The following SYT1 variants were observed in gnomAD, a reference collection of about 807,000 sequenced individuals.
The protein encoded by SYT1 is synaptotagmin-1.
SYT1 carries 8 observed loss-of-function variants against 44.8 expected under a neutral mutation model. That is an observed-to-expected ratio of 0.18 (90% CI 0.10 to 0.32). SYT1 has a LOEUF of 0.32. SYT1 is among the 10% of genes least tolerant of loss of function. SYT1 has a pLI of 1.00. For synonymous variants in SYT1, 154 were observed against 188.8 expected, an observed-to-expected ratio of 0.82 and a Z score of 1.51; for missense variants, 286 against 509.3, an observed-to-expected ratio of 0.56 and a Z score of 4.22.
intron 1 of SYT1, among the ~76,000 whole-genome samples, chr12:78,895,585 T>C (rs1427656862): frequency 1.3e-5 from 2 of 151,818 alleles, no homozygotes; most frequent in African/African-American, 4.8e-5. Context: ...TTTGTTGTTG[T>C]TGATCTATAT....
intron 2 of SYT1, among the ~76,000 whole-genome samples, chr12:79,025,179 C>T (rs982009617): frequency 6.6e-6 from 1 of 151,744 alleles, no homozygotes; most frequent in Admixed American, 6.6e-5. Context: ...TGACGTGATA[C>T]ATGTATTAAA....
intron 10 of SYT1, among the ~76,000 whole-genome samples, chr12:79,446,620 G>C (rs1158515633): frequency 6.6e-6 from 1 of 152,124 alleles, no homozygotes; most frequent in Non-Finnish European, 1.5e-5. Flanking sequence ...TTGGTTGATA[G>C]TTTTAAATAC....
intron 9 of SYT1, among the ~76,000 whole-genome samples, chr12:79,434,560 C>T (rs1460041228): frequency 6.6e-6 from 1 of 152,174 alleles, no homozygotes; most frequent in East Asian, 1.9e-4. Context: ...GATTGGCTTA[C>T]TGATGAACTA....
chr12:79,053,483 C>T (rs1407398143), intron 3 of SYT1, among the ~76,000 whole-genome samples: 8 of 151,130 alleles, frequency 5.3e-5, no homozygotes, highest in Non-Finnish European at 8.8e-5. Context: ...ATTGTGCACA[C>T]GCACCCCAAA....
At chr12:79,433,295 C>A (rs139036317) in intron 9 of SYT1, among the ~76,000 whole-genome samples, 16 of 152,246 alleles carry the variant, frequency 1.1e-4, no homozygotes, top group Non-Finnish European at 1.9e-4. Flanking sequence ...AGTCATATGA[C>A]GTATAAGATA....
intron 1 of SYT1, among the ~76,000 whole-genome samples, chr12:78,914,514 T>C (rs73134358): frequency 7.3e-5 from 11 of 151,308 alleles, no homozygotes; most frequent in Non-Finnish European, 1.2e-4. Flanking sequence ...GTTAGATAGA[T>C]AGATGATAGA....
At chr12:79,238,940 T>C (rs558438242) in intron 4 of SYT1, among the ~76,000 whole-genome samples, 2 of 152,364 alleles carry the variant, frequency 1.3e-5, no homozygotes, top group East Asian at 3.9e-4. Context: ...AGTCTCCCTG[T>C]CCTTGGAATT....
intron 1 of SYT1, among the ~76,000 whole-genome samples, chr12:78,914,949 G>A (rs1304586404): frequency 6.6e-6 from 1 of 152,016 alleles, no homozygotes; most frequent in East Asian, 1.9e-4. Flanking sequence ...TCCAAAGAGG[G>A]TGTGATGACT....
rs1870914067 is a variant in SYT1, at chr12:79,449,345, A to G, written c.*221A>G. ...TCCAAATCTACTCTTCTTTTAAGCA[A>G]TATGATGTGTAGATAGAGCATGAAT... On this transcript the variant is annotated 3_prime_UTR_variant, in exon 11 of 11. Coordinates refer to ENST00000261205, the MANE Select transcript of SYT1 (RefSeq NM_005639.3). 1 of 554,876 alleles carries G rather than the reference A, an allele frequency of 1.8e-6. No homozygotes were observed. The highest frequency in any genetic ancestry group is 2.1e-5 in the South Asian group (1 of 46,646). The allele number at this position is 554,876 out of a possible 1,614,324, so 34.4% of individuals were successfully genotyped here. A position where few individuals can be genotyped will look rare whatever the true frequency, so the allele number is the denominator to read the frequency against.
At chr12:79,310,507 T>C (rs1880721607) in intron 8 of SYT1, among the ~76,000 whole-genome samples, 1 of 152,114 alleles carries the variant, frequency 6.6e-6, no homozygotes, top group Non-Finnish European at 1.5e-5. Context: ...CAGGCTCTTT[T>C]GGTTCCATAT....
In SYT1 at chr12:79,196,461, C is replaced by T. The variant is rs142731738; in HGVS notation, c.-17-21042C>T. ...GATTACAGGCATGAGCCATCGCACC[C>T]GGCTGTACATTTCTAATTCTATATC... On this transcript the variant is annotated intron_variant, in intron 3 of 10. Transcript: ENST00000261205. 3.0e-3 allele frequency among the ~76,000 whole-genome samples: 453 copies of T among 152,162 alleles called. 3 individuals are homozygous for T. The highest frequency in any genetic ancestry group is 0.01 in the African/African-American group (422 of 41,520).
intron 3 of SYT1, among the ~76,000 whole-genome samples, chr12:79,202,172 C>A (rs1873830195): frequency 6.6e-6 from 1 of 152,122 alleles, no homozygotes; most frequent in South Asian, 2.1e-4. Flanking sequence ...ATCTGAGATG[C>A]AAACTGTGGT....
intron 2 of SYT1, among the ~76,000 whole-genome samples, chr12:79,041,064 T>C (rs1239539906): frequency 6.6e-6 from 1 of 152,180 alleles, no homozygotes; most frequent in Admixed American, 6.5e-5. Context: ...GTGTGATGCC[T>C]CCAGCTTTGT....
intron 4 of SYT1, among the ~76,000 whole-genome samples, chr12:79,224,751 TTTATTATTATTATTATTA>T (rs201728926): frequency 0.043 from 1,043 of 24,002 alleles, 7 homozygotes; most frequent in African/African-American, 0.21. Context: ...TTATTTATTT[TTTATTATTATTATTATTA>T]TTATTATTAT....
At chr12:79,088,865 G>A (rs1314210024) in intron 3 of SYT1, among the ~76,000 whole-genome samples, 1 of 151,666 alleles carries the variant, frequency 6.6e-6, no homozygotes, top group Non-Finnish European at 1.5e-5. Flanking sequence ...CACTAATGGA[G>A]TAGATATGTG....
At position 79,055,648 on chromosome 12, in the gene SYT1, A is replaced by G. The variant is rs866141817; in HGVS notation, c.-18+8286A>G. Among the ~76,000 whole-genome samples, 21 of 152,076 alleles carry G rather than the reference A, an allele frequency of 1.4e-4. 1 individual carries two copies. Among genetic ancestry groups the G allele is most frequent in the African/African-American group, 5.1e-4 (21 of 41,532 alleles). On this transcript the variant is annotated intron_variant, in intron 3 of 10. Transcript: ENST00000261205. ...GCAGGAAAACAAAATAAGCTGCCTCAATGTCCTCTTCTATAAAAATGAAAA... is the reference window on the plus strand; with the variant it reads ...GCAGGAAAACAAAATAAGCTGCCTCGATGTCCTCTTCTATAAAAATGAAAA...
intron 4 of SYT1, among the ~76,000 whole-genome samples, chr12:79,277,018 GGAA>G (rs894914473): frequency 7.9e-5 from 12 of 151,562 alleles, no homozygotes; most frequent in East Asian, 3.9e-4. Flanking sequence ...AAGAGGAAGA[GGAA>G]GAAGAAGGAG....
At chr12:79,176,889 A>C (rs1334057480) in intron 3 of SYT1, among the ~76,000 whole-genome samples, 2 of 152,008 alleles carry the variant, frequency 1.3e-5, no homozygotes, top group Non-Finnish European at 2.9e-5. Context: ...CCTAAGAACA[A>C]AAATACTTTC....
chr12:79,182,944 G>A (rs1173212004), intron 3 of SYT1, among the ~76,000 whole-genome samples: 1 of 152,112 alleles, frequency 6.6e-6, no homozygotes, highest in Non-Finnish European at 1.5e-5. Flanking sequence ...TTCATTTGAT[G>A]TAGGTCAAAT....
Sources: allele counts gnomAD v4.1 joint callset (sites outside exome capture counted in the v4.1 genomes callset), GRCh38; gene constraint gnomAD v4.1.1; transcripts MANE v1.5; gene names NCBI Gene and HGNC (gene_info 2026-07-23, HGNC 2026-07-21).